Variants in FAM228A observed in about 807,000 individuals in gnomAD.
The protein encoded by FAM228A is protein FAM228A.
FAM228A carries 13 observed loss-of-function variants against 18.6 expected under a neutral mutation model. The observed-to-expected ratio is 0.70, with a 90% CI of 0.45 to 1.11. FAM228A has a LOEUF of 1.11. Among genes scored for constraint, FAM228A ranks in the 50% least tolerant of loss-of-function variants. The probability of loss-of-function intolerance (pLI) is 0.00; values close to 1 mark genes in which losing one functional copy is unlikely to be tolerated. For synonymous variants in FAM228A, 77 were observed against 86.6 expected, an observed-to-expected ratio of 0.89 and a Z score of 0.61; for missense variants, 240 against 242.2, an observed-to-expected ratio of 0.99 and a Z score of 0.06.
At chr2:24,179,258 C>A (rs112599829) in intron 3 of FAM228A, 1 of 738,294 alleles carries the variant, frequency 1.4e-6, no homozygotes, top group South Asian at 2.9e-5. Flanking sequence ...TAAAATGAAA[C>A]GAGAATGTTG....
At chr2:24,180,103 T>C (rs990481340) in intron 3 of FAM228A, among the ~76,000 whole-genome samples, 2 of 151,978 alleles carry the variant, frequency 1.3e-5, no homozygotes, top group Non-Finnish European at 2.9e-5. Context: ...CAAATACAAA[T>C]CTGTTAGCTT....
In FAM228A at chr2:24,183,497, A is replaced by C; in HGVS notation, c.253A>C (p.Lys85Gln). 3 of 1,610,424 alleles carry C rather than the reference A, an allele frequency of 1.9e-6. No homozygotes were observed. Among genetic ancestry groups the C allele is most frequent in the Non-Finnish European group, 2.5e-6 (3 of 1,178,474 alleles). ...TTCGATTTTTTATCTTCCTGTAGGAAAACGACATTCCATAAAAGAACTTGA... is the reference window on the plus strand; with the variant it reads ...TTCGATTTTTTATCTTCCTGTAGGACAACGACATTCCATAAAAGAACTTGA... ...RRTGLQCETG[K>Q]RHSIKELEEI... Residue 85 changes from lysine (K) to glutamine (Q), a missense_variant and splice_region_variant, in exon 5 of 6, where the codon AAA becomes CAA. Transcript: ENST00000295150.
In FAM228A at chr2:24,177,861, C is replaced by A; in HGVS notation, c.153C>A (p.Ser51=). ...GTGCAATATTATTTAAAGAAAATTC[C>A]ATTGTGAAGGTAAGAGTTGGCTCCA... is the stretch of plus-strand genomic sequence containing the variant. ...AVCAILFKEN[S]IVKVTVPPFV... Residue 51 remains serine, a synonymous_variant, in exon 3 of 6, where the codon TCC becomes TCA. Transcript: ENST00000295150. The A allele has an allele frequency of 6.2e-7, 1 of 1,601,084 alleles. No individual in the cohort carries two copies. Among genetic ancestry groups the A allele is most frequent in the South Asian group, 1.1e-5 (1 of 89,710 alleles).
rs1171894252 is a variant in FAM228A at position 24,190,941 on chromosome 2, T to G, written c.*310T>G. 4.2e-5 allele frequency: 46 copies of G among 1,086,390 alleles called. No individual in the cohort carries two copies. The highest frequency in any genetic ancestry group is 5.0e-5 in the Non-Finnish European group (45 of 894,968). The allele number at this position is 1,086,390 out of a possible 1,614,324, so 67.3% of individuals were successfully genotyped here. On this transcript the variant is annotated 3_prime_UTR_variant, in exon 6 of 6. Coordinates refer to ENST00000295150, the MANE Select transcript of FAM228A (RefSeq NM_001040710.3). The stretch of plus-strand genomic sequence containing the variant: ...CCGGGCCTTTGCCCTTCTGCCACTT[T>G]CCTACCATTTTCCACTTACTCCATC...
rs534146309 is a variant in FAM228A, at chr2:24,190,405, T to C, written c.402-7T>C. Reference sequence around the variant, plus strand: ...ATCGAGACAATTTTTTCTGCTTTTCTTCACAGTCCTGAAAAGCTCATCTAT... The same window carrying C: ...ATCGAGACAATTTTTTCTGCTTTTCCTCACAGTCCTGAAAAGCTCATCTAT... On this transcript the variant is annotated splice_region_variant and splice_polypyrimidine_tract_variant and intron_variant, in intron 5 of 5. Transcript: ENST00000295150. 1.3e-6 allele frequency: 2 copies of C among 1,587,412 alleles called. No individual in the cohort carries two copies. Among genetic ancestry groups the C allele is most frequent in the Non-Finnish European group, 1.7e-6 (2 of 1,170,180 alleles).
chr2:24,183,650 A>G lies in FAM228A; in HGVS notation c.401+5A>G. On this transcript the variant is annotated splice_donor_5th_base_variant and intron_variant, in intron 5 of 5. Coordinates refer to ENST00000295150, the MANE Select transcript of FAM228A (RefSeq NM_001040710.3). Reference sequence around the variant, plus strand: ...GAGTAAAACTTACAAATACAGGTACAGATGAGCAGAACAAACAAATATTTG... The same window carrying G: ...GAGTAAAACTTACAAATACAGGTACGGATGAGCAGAACAAACAAATATTTG... 1 of 1,575,994 alleles carries G rather than the reference A, an allele frequency of 6.3e-7. No homozygotes were observed. The highest frequency in any genetic ancestry group is 8.6e-7 in the Non-Finnish European group (1 of 1,161,324).
chr2:24,178,013 G>C, intron 3 of FAM228A, 143 bp downstream of exon 3: 1 of 567,520 alleles, frequency 1.8e-6, no homozygotes, highest in East Asian at 3.0e-5. Context: ...TTACTTGTTT[G>C]TACTACATGC....
intron 5 of FAM228A, among the ~76,000 whole-genome samples, chr2:24,187,332 A>G (rs569244162): frequency 2.6e-5 from 4 of 152,304 alleles, no homozygotes; most frequent in East Asian, 1.9e-4. Flanking sequence ...GTGAGTGGAA[A>G]GTACCTAGAG....
Position 24,191,123 on chromosome 2 carries a change from T to A in FAM228A, c.*492T>A, listed in dbSNP as rs1365772267. ...GAATTTTCTGAGTATGGATTTCTTA[T>A]CCAGAGCTCATGGTTCATTTGACAC... On this transcript the variant is annotated 3_prime_UTR_variant, in exon 6 of 6. Coordinates refer to ENST00000295150, the MANE Select transcript of FAM228A (RefSeq NM_001040710.3). The A allele has an allele frequency of 1.0e-6, 1 of 985,648 alleles. No individual in the cohort carries two copies. Among genetic ancestry groups the A allele is most frequent in the Non-Finnish European group, 1.2e-6 (1 of 830,170 alleles). The allele number at this position is 985,648 out of a possible 1,614,324, so 61.1% of individuals were successfully genotyped here. A position where few individuals can be genotyped will look rare whatever the true frequency, so the allele number is the denominator to read the frequency against.
At chr2:24,186,510 A>G (rs1667953232) in intron 5 of FAM228A, among the ~76,000 whole-genome samples, 1 of 152,118 alleles carries the variant, frequency 6.6e-6, no homozygotes, top group African/African-American at 2.4e-5. Flanking sequence ...TCCATTAGTA[A>G]GTTAAGGAAG....
chr2:24,175,612 G>C, intron 2 of FAM228A, 39 bp downstream of exon 2: 1 of 1,482,188 alleles, frequency 6.7e-7, no homozygotes, highest in Non-Finnish European at 9.4e-7. Context: ...ATTTTGGCGG[G>C]GGGACCCCTC....
rs940738600 is a variant in FAM228A, at chr2:24,190,870, C to CTGGT, written c.*242_*243insTTGG. On this transcript the variant is annotated 3_prime_UTR_variant, in exon 6 of 6. Coordinates refer to ENST00000295150, the MANE Select transcript of FAM228A (RefSeq NM_001040710.3). ...CTGTCCTTCCGAGGTGAGGGCCAAC[C>CTGGT]TGGCCACAGGGGCTTTTCCCCCTGA... is the stretch of plus-strand genomic sequence containing the variant. The CTGGT allele has an allele frequency of 1.6e-6, 2 of 1,217,658 alleles. No individual in the cohort carries two copies. The allele number at this position is 1,217,658 out of a possible 1,614,324, so 75.4% of individuals were successfully genotyped here. A position where few individuals can be genotyped will look rare whatever the true frequency, so the allele number is the denominator to read the frequency against.
chr2:24,189,074 G>A (rs944352869), intron 5 of FAM228A, among the ~76,000 whole-genome samples: 2 of 152,052 alleles, frequency 1.3e-5, no homozygotes, highest in Non-Finnish European at 2.9e-5. Flanking sequence ...CAAGACAAAG[G>A]CTTCATGTTG....
At chr2:24,177,177 C>T (rs979661159) in intron 2 of FAM228A, among the ~76,000 whole-genome samples, 1 of 152,140 alleles carries the variant, frequency 6.6e-6, no homozygotes, top group Non-Finnish European at 1.5e-5. Context: ...GGGTGGCTCA[C>T]GCCTATAATC....
intron 2 of FAM228A, 40 bp downstream of exon 2, chr2:24,175,613 G>T: frequency 6.9e-7 from 1 of 1,457,286 alleles, no homozygotes; most frequent in Non-Finnish European, 9.6e-7. Flanking sequence ...TTTTGGCGGG[G>T]GGACCCCTCG....
chr2:24,187,616 G>T (rs1047066928), intron 5 of FAM228A, among the ~76,000 whole-genome samples: 1 of 151,740 alleles, frequency 6.6e-6, no homozygotes, highest in African/African-American at 2.4e-5. Flanking sequence ...AGCAACCAGT[G>T]ATTTTTTTTT....
At chr2:24,185,276 T>C (rs139020029) in intron 5 of FAM228A, among the ~76,000 whole-genome samples, 1 of 152,362 alleles carries the variant, frequency 6.6e-6, no homozygotes, top group African/African-American at 2.4e-5. Flanking sequence ...TCCCTGCTGT[T>C]CTGCAGTGTA....
At position 24,177,871 on chromosome 2, in the gene FAM228A, G is replaced by A; in HGVS notation, c.162+1G>A. 3.8e-6 allele frequency: 6 copies of A among 1,597,654 alleles called. No homozygotes were observed. The highest frequency in any genetic ancestry group is 4.3e-6 in the Non-Finnish European group (5 of 1,167,168). On this transcript the variant is annotated splice_donor_variant, in intron 3 of 5. Transcript: ENST00000295150. LOFTEE classifies it high-confidence loss of function. The stretch of plus-strand genomic sequence containing the variant: ...ATTTAAAGAAAATTCCATTGTGAAG[G>A]TAAGAGTTGGCTCCACGCTGCATTC...
chr2:24,184,164 G>C (rs997907277), intron 5 of FAM228A, among the ~76,000 whole-genome samples: 1 of 152,166 alleles, frequency 6.6e-6, no homozygotes, highest in Non-Finnish European at 1.5e-5. Context: ...TGGACCACCT[G>C]AGGTCAGGAG....
Sources: gnomAD v4.1 joint callset for allele counts (sites outside exome capture counted in the v4.1 genomes callset) on GRCh38, gnomAD v4.1.1 for gene constraint, MANE v1.5 for transcripts, NCBI Gene and HGNC (gene_info 2026-07-23, HGNC 2026-07-21) for gene names.